The following PES1 variants were observed in gnomAD, a reference collection of about 807,000 sequenced individuals.
The protein encoded by PES1 is pescadillo homolog.
A neutral mutation model predicts 77.1 loss-of-function variants in PES1; 31 were observed. The observed-to-expected ratio is 0.40, with a 90% CI of 0.30 to 0.54. PES1 has a LOEUF of 0.54. Ranked by LOEUF, PES1 falls within the 20% of genes least tolerant of loss-of-function variation. PES1 has a pLI of 0.45. For missense variants in PES1, 658 were observed against 771.7 expected, an observed-to-expected ratio of 0.85 and a Z score of 1.75; for synonymous variants, 282 against 303.0, an observed-to-expected ratio of 0.93 and a Z score of 0.72.
At chr22:30,597,052 C>T (rs899221496) in intron 2 of PES1, among the ~76,000 whole-genome samples, 10 of 152,212 alleles carry the variant, frequency 6.6e-5, no homozygotes, top group Admixed American at 1.3e-4. Context: ...CAGTGCCGGC[C>T]CACCGGCGCT....
At chr22:30,587,947 C>T in intron 3 of PES1, 74 bp downstream of exon 3, 3 of 1,492,728 alleles carry the variant, frequency 2.0e-6, no homozygotes, top group Non-Finnish European at 2.8e-6. Context: ...AGGCAATCTG[C>T]CCAAGGTCAC....
At chr22:30,580,023 A>C in intron 11 of PES1, 30 bp downstream of exon 11, 1 of 1,612,436 alleles carries the variant, frequency 6.2e-7, no homozygotes, top group Non-Finnish European at 8.5e-7. Flanking sequence ...GGATACCCAG[A>C]AATCCGGACG....
At position 30,584,400 on chromosome 22, in the gene PES1, T is replaced by C. The variant is rs566687316; in HGVS notation, c.595A>G (p.Ile199Val). ...YYQAEVLGQP[I>V]VWITPYAFSH... The stretch of plus-strand genomic sequence containing the variant: ...AAGGCATAGGGAGTGATCCACACGA[T>C]GGGCTGCCCCAGTACCTCGGCCTGG... Residue 199 changes from isoleucine (I) to valine (V), a missense_variant, in exon 6 of 15, where the codon ATC (isoleucine) becomes GTC (valine). Transcript: ENST00000354694. 4.5e-5 allele frequency: 73 copies of C among 1,611,806 alleles called. No homozygotes were observed. Among genetic ancestry groups the C allele is most frequent in the Non-Finnish European group, 6.0e-5 (71 of 1,178,706 alleles).
upstream of PES1, chr22:30,592,374 C>T: frequency 9.1e-6 from 9 of 988,474 alleles, no homozygotes; most frequent in Non-Finnish European, 1.1e-5. Context: ...TTCGGGTTCT[C>T]TTTGGTTCAT....
At chr22:30,600,778 G>A (rs1317017429) in intron 2 of PES1, among the ~76,000 whole-genome samples, 3 of 152,146 alleles carry the variant, frequency 2.0e-5, no homozygotes, top group Admixed American at 2.0e-4. Context: ...TCGCGTCACT[G>A]CACTCCAGCC....
intron 2 of PES1, among the ~76,000 whole-genome samples, chr22:30,597,885 T>C (rs547656491): frequency 1.4e-5 from 2 of 143,862 alleles, no homozygotes; most frequent in East Asian, 2.0e-4. Context: ...AAGTTTTGTT[T>C]TTTTTTTTTT....
Position 30,580,657 on chromosome 22 carries a change from C to T in PES1, c.957G>A (p.Ala319=), listed in dbSNP as rs137921166. The T allele has an allele frequency of 2.1e-4, 335 of 1,613,462 alleles. 1 individual carries two copies. Among genetic ancestry groups the T allele is most frequent in the Middle Eastern group, 3.3e-4 (2 of 6,084 alleles). The change falls in exon 10 of 15, where the codon GCG becomes GCA. Residue 319 remains alanine (A), a synonymous_variant. Coordinates refer to ENST00000354694, the MANE Select transcript of PES1 (RefSeq NM_014303.4). ...CAAAAAGCTTCTTGTGCTTCTCCTG[C>T]GCCTCCAGCTCCTTCCTGCGGTCTT... ...QEEDRRKELE[A]QEKHKKLFEG... is the part of the protein sequence containing the mutation.
Position 30,579,848 on chromosome 22 carries a change from C to A in PES1, c.1257G>T (p.Leu419=). ...PVAEYFSGVQ[L]PPHLSPFVTE... ...TCACAAAGGGTGAAAGGTGTGGGGG[C>A]AGCTGCACCCCAGAGAAGTACTCTG... The change falls in exon 12 of 15, where the codon CTG becomes CTT. Residue 419 remains leucine, a synonymous_variant. Coordinates refer to ENST00000354694, the MANE Select transcript of PES1 (RefSeq NM_014303.4). 6.2e-7 allele frequency: 1 copy of A among 1,614,088 alleles called. No individual in the cohort carries two copies. The highest frequency in any genetic ancestry group is 1.3e-5 in the African/African-American group (1 of 75,062).
intron 1 of PES1, among the ~76,000 whole-genome samples, chr22:30,589,888 A>G (rs189566295): frequency 1.1e-3 from 162 of 152,228 alleles, no homozygotes; most frequent in Non-Finnish European, 1.8e-3. Context: ...TGCCCCATAA[A>G]ATGTTAATAC....
intron 4 of PES1, chr22:30,585,443 C>T (rs763075698): frequency 9.4e-6 from 4 of 425,816 alleles, no homozygotes; most frequent in Admixed American, 2.6e-5. Context: ...ATTCCAGTCC[C>T]GGTCTGAGCT....
rs572759372 is a variant in PES1 at position 30,606,985 on chromosome 22, A to G, written c.-894T>C. ...GGACAGACTTGACAGATCAGGCATC[A>G]GGCCCTCTGCGCTGGTCCCGGGCTC... On this transcript the variant is annotated 5_prime_UTR_variant, in exon 1 of 17. Transcript: ENST00000402281. The G allele has an allele frequency of 5.5e-4, 395 of 718,914 alleles. 4 individuals are homozygous for G. The South Asian group carries it at 8.3e-3, about 15-fold the overall frequency. The allele number at this position is 718,914 out of a possible 1,614,324, so 44.5% of individuals were successfully genotyped here.
At chr22:30,588,204 G>A in intron 2 of PES1, 30 bp from the exon 3 acceptor site, 1 of 1,613,932 alleles carries the variant, frequency 6.2e-7, no homozygotes, top group Non-Finnish European at 8.5e-7. Context: ...TGTTATGTCA[G>A]TTATGTGGGT....
chr22:30,606,347 C>CAGGAGGATT (rs2087442104), intron 1 of PES1, among the ~76,000 whole-genome samples: 3 of 152,166 alleles, frequency 2.0e-5, no homozygotes, highest in African/African-American at 7.2e-5. Context: ...CCTCCTGCCT[C>CAGGAGGATT]AGCCCCCCAA....
At chr22:30,584,242 CTCA>C (rs1448968017) in intron 6 of PES1, 120 bp downstream of exon 6, 3 of 760,018 alleles carry the variant, frequency 3.9e-6, no homozygotes, top group Admixed American at 4.2e-5. Flanking sequence ...CGCCTCACCC[CTCA>C]TCAACAGTTG....
chr22:30,592,929 TG>T (rs1375212811), upstream of PES1, among the ~76,000 whole-genome samples: 1 of 152,140 alleles, frequency 6.6e-6, no homozygotes, highest in Admixed American at 6.6e-5. Context: ...CACCTTGAGA[TG>T]GTGCAGTCTG....
intron 3 of PES1, 143 bp from the exon 4 acceptor site, chr22:30,587,538 T>C: frequency 1.5e-6 from 1 of 648,004 alleles, no homozygotes; most frequent in Non-Finnish European, 2.7e-6. Flanking sequence ...CACTGACCCC[T>C]CTGCCCAGGA....
chr22:30,605,580 A>G (rs867497201), intron 1 of PES1: 5 of 690,018 alleles, frequency 7.2e-6, no homozygotes, highest in Middle Eastern at 1.5e-3. Flanking sequence ...GAGCCAAGGC[A>G]GTCCCACCCA....
chr22:30,589,667 A>G (rs1157760652), intron 1 of PES1, among the ~76,000 whole-genome samples: 7 of 150,404 alleles, frequency 4.7e-5, no homozygotes, highest in Admixed American at 4.6e-4. Flanking sequence ...TCGTAAAATA[A>G]CCCATGCAAC....
rs929448970 is a variant in PES1, at chr22:30,597,307, T to C, written c.-660-4909A>G. Among the ~76,000 whole-genome samples the C allele has an allele frequency of 6.2e-4, 94 of 151,926 alleles. 1 individual carries two copies. The highest frequency in any genetic ancestry group is 5.8e-3 in the Admixed American group (89 of 15,262). On this transcript the variant is annotated intron_variant, in intron 2 of 16. Coordinates refer to the PES1 transcript ENST00000402281. The stretch of plus-strand genomic sequence containing the variant: ...CCTGTCCTGCCAGTATGAGCTCCAG[T>C]AGGTGAAGCCAGCTGGGCTCCTGAG...
Sources: gnomAD v4.1 joint callset for allele counts (sites outside exome capture counted in the v4.1 genomes callset) on GRCh38, gnomAD v4.1.1 for gene constraint, MANE v1.5 for transcripts, NCBI Gene and HGNC (gene_info 2026-07-23, HGNC 2026-07-21) for gene names.